Variants in PLCE1 observed in about 807,000 individuals in gnomAD.
PLCE1 encodes phospholipase C epsilon 1.
A neutral mutation model predicts 242.8 loss-of-function variants in PLCE1; 119 were observed. The ratio of observed to expected loss-of-function variants is 0.49; its 90% CI spans 0.42 to 0.57. The LOEUF (loss-of-function observed/expected upper bound fraction) is 0.57. Ranked by LOEUF, PLCE1 falls within the 20% of genes least tolerant of loss-of-function variation. PLCE1 has a pLI of 0.00. For synonymous variants in PLCE1, 945 were observed against 1,017.4 expected (o/e 0.93, Z 1.35); for missense variants, 2,441 against 2,788.8 (o/e 0.88, Z 2.81).
At chr10:94,247,046 A>AGGTTGCAG (rs1338106244) in intron 8 of PLCE1, among the ~76,000 whole-genome samples, 2 of 146,774 alleles carry the variant, frequency 1.4e-5, no homozygotes, top group Non-Finnish European at 3.0e-5. Flanking sequence ...CAGGAGGCAG[A>AGGTTGCAG]GGTTGCAGTG....
At chr10:94,005,975 A>G (rs2061029194) in intron 1 of PLCE1, among the ~76,000 whole-genome samples, 1 of 152,194 alleles carries the variant, frequency 6.6e-6, no homozygotes, top group Non-Finnish European at 1.5e-5. Flanking sequence ...GGTCTCAAGA[A>G]ATACATGTTG....
chr10:94,276,424 G>A (rs557826086), intron 19 of PLCE1, among the ~76,000 whole-genome samples: 15 of 152,076 alleles, frequency 9.9e-5, no homozygotes, highest in African/African-American at 2.2e-4. Context: ...AAGAATAATC[G>A]CTGGAGCACT....
chr10:94,087,252 A>T (rs570164918), intron 2 of PLCE1, among the ~76,000 whole-genome samples: 1 of 141,960 alleles, frequency 7.0e-6, no homozygotes, highest in South Asian at 2.6e-4. Flanking sequence ...CAGGAGGCTG[A>T]GGTGGGAAAA....
At chr10:94,129,141 C>G (rs2135872298) in intron 2 of PLCE1, among the ~76,000 whole-genome samples, 1 of 152,194 alleles carries the variant, frequency 6.6e-6, no homozygotes, top group East Asian at 1.9e-4. Flanking sequence ...AGGGGAGATG[C>G]AGAATAAGGC....
chr10:94,235,887 A>T (rs1462519929), intron 6 of PLCE1, 28 bp from the exon 7 acceptor site: 2 of 1,593,016 alleles, frequency 1.3e-6, no homozygotes, highest in African/African-American at 2.7e-5. Context: ...TTAAGTTGCA[A>T]TAGCAAATTC....
At chr10:94,146,099 C>T (rs536185860) in intron 3 of PLCE1, among the ~76,000 whole-genome samples, 1 of 152,142 alleles carries the variant, frequency 6.6e-6, no homozygotes, top group Non-Finnish European at 1.5e-5. Context: ...CATTGCAGAC[C>T]CTTAAGCAGG....
rs531040533 is a variant in PLCE1, at chr10:94,051,502, G to A, written c.1206+19250G>A. On this transcript the variant is annotated intron_variant, in intron 2 of 32. Coordinates refer to ENST00000371380, the MANE Select transcript of PLCE1 (RefSeq NM_016341.4). ...AAAAAGAAGTCATGCCCATCCAAAG[G>A]ATACGTCATTCAAATAATTTTGTAG... Among the ~76,000 whole-genome samples, 24 of 152,154 alleles carry A rather than the reference G, an allele frequency of 1.6e-4. No individual in the cohort carries two copies. In the South Asian group the frequency reaches 4.8e-3, roughly 30 times the overall value.
At chr10:94,188,868 G>A (rs1037606337) in intron 4 of PLCE1, among the ~76,000 whole-genome samples, 1 of 152,064 alleles carries the variant, frequency 6.6e-6, no homozygotes, top group African/African-American at 2.4e-5. Context: ...GCCTCCCAAA[G>A]TGCCAGGATT....
At chr10:94,275,015 C>T (rs1165671599) in intron 19 of PLCE1, among the ~76,000 whole-genome samples, 2 of 152,136 alleles carry the variant, frequency 1.3e-5, no homozygotes, top group Non-Finnish European at 2.9e-5. Context: ...GTCCTCACTG[C>T]CAAGCAGATA....
At chr10:94,187,784 G>A (rs776572162) in intron 4 of PLCE1, among the ~76,000 whole-genome samples, 1 of 152,130 alleles carries the variant, frequency 6.6e-6, no homozygotes, top group African/African-American at 2.4e-5. Flanking sequence ...TAAGCCTCAC[G>A]CGAACACAAG....
At chr10:94,196,542 T>C (rs2136688305) in intron 4 of PLCE1, among the ~76,000 whole-genome samples, 1 of 152,248 alleles carries the variant, frequency 6.6e-6, no homozygotes, top group East Asian at 1.9e-4. Flanking sequence ...TTCCAGCACT[T>C]TGGGAAGCCA....
intron 3 of PLCE1, among the ~76,000 whole-genome samples, chr10:94,153,091 C>A (rs1331603093): frequency 6.6e-6 from 1 of 152,056 alleles, no homozygotes; most frequent in Non-Finnish European, 1.5e-5. Flanking sequence ...GATATGAAGT[C>A]ATGGTTACAG....
At chr10:94,045,892 AG>A (rs1276687227) in intron 2 of PLCE1, among the ~76,000 whole-genome samples, 2 of 152,024 alleles carry the variant, frequency 1.3e-5, no homozygotes, top group Non-Finnish European at 2.9e-5. Context: ...CAAGGTCAGG[AG>A]ATCGAGACCA....
intron 4 of PLCE1, among the ~76,000 whole-genome samples, chr10:94,197,957 T>C (rs2048872384): frequency 8.8e-6 from 1 of 113,130 alleles, no homozygotes. Context: ...CACTCCAGCC[T>C]GGGTGACAGA....
At chr10:94,327,543 A>ACT (rs1233659080) in intron 32 of PLCE1, among the ~76,000 whole-genome samples, 1 of 152,222 alleles carries the variant, frequency 6.6e-6, no homozygotes, top group African/African-American at 2.4e-5. Flanking sequence ...GAGAGCAAAA[A>ACT]GAAAGTTAGT....
intron 4 of PLCE1, among the ~76,000 whole-genome samples, chr10:94,220,209 CACACACACACAT>C (rs2049677686): frequency 6.6e-6 from 1 of 150,642 alleles, no homozygotes; most frequent in African/African-American, 2.4e-5. Flanking sequence ...CACACATACA[CACACACACACAT>C]ACACACACAC....
chr10:94,140,529 T>G (rs1228075728), intron 3 of PLCE1, among the ~76,000 whole-genome samples: 1 of 152,178 alleles, frequency 6.6e-6, no homozygotes, highest in Admixed American at 6.5e-5. Flanking sequence ...GGCAACACAG[T>G]GAGACTCCCA....
At position 94,316,542 on chromosome 10, in the gene PLCE1, T is replaced by G. The variant is rs1206709881; in HGVS notation, c.6133-5T>G. The G allele has an allele frequency of 1.9e-6, 3 of 1,599,970 alleles. No homozygotes were observed. In the African/African-American group the frequency reaches 4.0e-5, roughly 21 times the overall value. ...CTCCTCAGTTTGCCTTCACTTTTTCTTTAGATTCTGACAAATGAACAAGAC... is the reference window on the plus strand; with the variant it reads ...CTCCTCAGTTTGCCTTCACTTTTTCGTTAGATTCTGACAAATGAACAAGAC... On this transcript the variant is annotated splice_region_variant and splice_polypyrimidine_tract_variant and intron_variant, in intron 28 of 32. Transcript: ENST00000371380.
intron 5 of PLCE1, among the ~76,000 whole-genome samples, chr10:94,232,816 A>G (rs1000526038): frequency 6.6e-6 from 1 of 152,152 alleles, no homozygotes; most frequent in African/African-American, 2.4e-5. Flanking sequence ...CTCTGCAAGC[A>G]CAGGACATAT....
Sources: allele counts gnomAD v4.1 joint callset (sites outside exome capture counted in the v4.1 genomes callset), GRCh38; gene constraint gnomAD v4.1.1; transcripts MANE v1.5; gene names NCBI Gene and HGNC (gene_info 2026-07-23, HGNC 2026-07-21).